The following ASIC5 variants were observed in gnomAD, a reference collection of about 807,000 sequenced individuals.
ASIC5 encodes the protein bile acid-sensitive ion channel.
In ASIC5, 52 loss-of-function variants were observed where a neutral mutation model predicts 51.2. The observed-to-expected ratio is 1.02, with a 90% confidence interval of 0.81 to 1.28. The LOEUF is 1.28. Ranked by LOEUF, ASIC5 falls within the 50% of genes most tolerant of loss-of-function variation. ASIC5 has a pLI of 0.00. For synonymous variants in ASIC5, 231 were observed against 200.7 expected (o/e 1.15, Z -1.28); for missense variants, 635 against 595.0 (o/e 1.07, Z -0.70).
At chr4:155,842,467 A>G in intron 5 of ASIC5, 113 bp from the exon 6 acceptor site, 1 of 1,040,946 alleles carries the variant, frequency 9.6e-7, no homozygotes, top group Non-Finnish European at 1.3e-6. Flanking sequence ...TTTGATTTTC[A>G]AAACCAAAAT....
chr4:155,866,243 G>T lies in ASIC5; in HGVS notation c.-17C>A. ...CTGCTCCATTTGTGATTTCAGTTAA[G>T]CAAGAGTCCTCAGGGTAACCCAATT... On this transcript the variant is annotated 5_prime_UTR_variant, in exon 1 of 10. Coordinates refer to ENST00000537611, the MANE Select transcript of ASIC5 (RefSeq NM_017419.3). 1 of 1,604,638 alleles carries T rather than the reference G, an allele frequency of 6.2e-7. No individual in the cohort carries two copies.
chr4:155,832,577 A>G (rs150115003), intron 8 of ASIC5, among the ~76,000 whole-genome samples: 8 of 152,166 alleles, frequency 5.3e-5, no homozygotes, highest in African/African-American at 1.9e-4. Context: ...TCACCAGCCT[A>G]GACCCCTACC....
chr4:155,837,016 TA>T (rs1381234918), intron 7 of ASIC5, among the ~76,000 whole-genome samples, 159 bp from the exon 8 acceptor site: 1 of 152,198 alleles, frequency 6.6e-6, no homozygotes, highest in Non-Finnish European at 1.5e-5. Context: ...ACTCTGAATA[TA>T]GCAGAGGAGA....
intron 5 of ASIC5, among the ~76,000 whole-genome samples, chr4:155,843,241 C>T (rs1370975726): frequency 6.6e-6 from 1 of 152,206 alleles, no homozygotes; most frequent in East Asian, 1.9e-4. Flanking sequence ...TACCCCTTCC[C>T]TATTTGTGCA....
chr4:155,852,404 C>A, intron 3 of ASIC5, 88 bp from the exon 4 acceptor site: 3 of 1,103,318 alleles, frequency 2.7e-6, no homozygotes, highest in South Asian at 1.5e-5. Context: ...TTTTAAAGCA[C>A]AAATACCTAA....
At chr4:155,831,055 G>T (rs149801727) in intron 9 of ASIC5, among the ~76,000 whole-genome samples, 1 of 152,116 alleles carries the variant, frequency 6.6e-6, no homozygotes. Flanking sequence ...TCTAAGATGC[G>T]GTGAGATCTA....
At chr4:155,849,509 G>A (rs1741329721) in intron 4 of ASIC5, among the ~76,000 whole-genome samples, 4 of 151,950 alleles carry the variant, frequency 2.6e-5, no homozygotes, top group Admixed American at 6.6e-5. Flanking sequence ...TTTGTCTTTA[G>A]CAAAAATGGG....
At chr4:155,842,095 T>A in intron 6 of ASIC5, 112 bp downstream of exon 6, 1 of 1,015,896 alleles carries the variant, frequency 9.8e-7, no homozygotes, top group Non-Finnish European at 1.5e-6. Flanking sequence ...CACTTAATAA[T>A]ACTTAATATT....
intron 1 of ASIC5, among the ~76,000 whole-genome samples, 170 bp downstream of exon 1, chr4:155,866,016 CT>C (rs1469951275): frequency 3.3e-5 from 5 of 152,054 alleles, no homozygotes; most frequent in African/African-American, 9.7e-5. Flanking sequence ...ATACAAATAA[CT>C]TTTTTTCTAA....
chr4:155,837,893 C>T (rs1180129002), intron 7 of ASIC5, among the ~76,000 whole-genome samples: 6 of 151,998 alleles, frequency 3.9e-5, no homozygotes, highest in Admixed American at 2.0e-4. Flanking sequence ...CAACAGTCCC[C>T]GCTAAACTGC....
rs747191266 is a variant in ASIC5, at chr4:155,854,110, G to A, written c.552C>T (p.Asp184=). The change falls in exon 3 of 10, where the codon GAC becomes GAT. Residue 184 remains aspartate (D), a synonymous_variant. Coordinates refer to ENST00000537611, the MANE Select transcript of ASIC5 (RefSeq NM_017419.3). ...TACATGGCTTTCCAAAAAACTCACAGTCCAACAAAGTGCTATTGTTGAGAT... is the reference window on the plus strand; with the variant it reads ...TACATGGCTTTCCAAAAAACTCACAATCCAACAAAGTGCTATTGTTGAGAT... ...GFYLNNSTLL[D]CEFFGKPCSP... 6 of 1,613,038 alleles carry A rather than the reference G, an allele frequency of 3.7e-6. No homozygotes were observed. The highest frequency in any genetic ancestry group is 5.1e-6 in the Non-Finnish European group (6 of 1,179,396).
At chr4:155,862,119 A>G (rs1484516511) in intron 2 of ASIC5, among the ~76,000 whole-genome samples, 1 of 152,124 alleles carries the variant, frequency 6.6e-6, no homozygotes, top group Non-Finnish European at 1.5e-5. Flanking sequence ...ATTTTATTTC[A>G]GTCAAGGATA....
chr4:155,858,631 G>A (rs1362158983), intron 2 of ASIC5, among the ~76,000 whole-genome samples: 1 of 152,056 alleles, frequency 6.6e-6, no homozygotes, highest in Admixed American at 6.6e-5. Flanking sequence ...TTTCCTAAGA[G>A]GGTTTGGAGA....
intron 4 of ASIC5, among the ~76,000 whole-genome samples, chr4:155,849,729 A>G (rs933281077): frequency 1.3e-5 from 2 of 151,644 alleles, no homozygotes; most frequent in South Asian, 2.1e-4. Context: ...TTTTTCCCCC[A>G]TATTTCCTAA....
At chr4:155,846,931 T>A (rs1039293553) in intron 4 of ASIC5, among the ~76,000 whole-genome samples, 1 of 151,932 alleles carries the variant, frequency 6.6e-6, no homozygotes. Flanking sequence ...AGGTTATGTA[T>A]AAAACAAGGT....
At chr4:155,846,675 C>T (rs1260284225) in intron 4 of ASIC5, among the ~76,000 whole-genome samples, 1 of 152,002 alleles carries the variant, frequency 6.6e-6, no homozygotes, top group Non-Finnish European at 1.5e-5. Flanking sequence ...TAAATCATGA[C>T]TATCGTAGTT....
intron 1 of ASIC5, chr4:155,864,967 C>T (rs1442058425): frequency 6.6e-6 from 1 of 151,848 alleles, no homozygotes; most frequent in Non-Finnish European, 1.5e-5. Context: ...TTCAACTATC[C>T]AGCATTAATT....
chr4:155,859,676 T>C (rs1741644516), intron 2 of ASIC5, among the ~76,000 whole-genome samples: 1 of 152,060 alleles, frequency 6.6e-6, no homozygotes, highest in Admixed American at 6.6e-5. Flanking sequence ...CTTAGAACAA[T>C]GGGCTTCAAA....
chr4:155,852,134 A>C (rs1741395273), intron 4 of ASIC5, 57 bp downstream of exon 4: 1 of 1,598,572 alleles, frequency 6.3e-7, no homozygotes. Context: ...AGTCTGATCA[A>C]GTTTTTGAAA....
Sources: gnomAD v4.1 joint callset for allele counts (sites outside exome capture counted in the v4.1 genomes callset) on GRCh38, gnomAD v4.1.1 for gene constraint, MANE v1.5 for transcripts, NCBI Gene and HGNC (gene_info 2026-07-23, HGNC 2026-07-21) for gene names.